RANBP10: variants seen among roughly 807,000 people sequenced by gnomAD.
The protein encoded by RANBP10 is ran-binding protein 10.
Under a neutral mutation model 72.8 loss-of-function variants are expected in RANBP10, and 24 were observed. That is an observed-to-expected ratio of 0.33 (90% CI 0.24 to 0.46). The LOEUF (loss-of-function observed/expected upper bound fraction) is 0.46, where lower values mean the gene tolerates loss of function less well. Ranked by LOEUF, RANBP10 falls within the 20% of genes least tolerant of loss-of-function variation. The pLI, the probability that RANBP10 is intolerant of heterozygous loss-of-function variation, is 1.00. For synonymous variants in RANBP10, 310 were observed against 322.3 expected, an observed-to-expected ratio of 0.96 and a Z score of 0.41; for missense variants, 679 against 817.5, an observed-to-expected ratio of 0.83 and a Z score of 2.07.
chr16:67,787,784 T>C (rs1313092527), intron 2 of RANBP10, among the ~76,000 whole-genome samples: 1 of 152,178 alleles, frequency 6.6e-6, no homozygotes, highest in East Asian at 1.9e-4. Flanking sequence ...AGAGGATCAC[T>C]TGAGGCCCGG....
intron 2 of RANBP10, among the ~76,000 whole-genome samples, chr16:67,804,036 T>C (rs1439942325): frequency 1.3e-5 from 2 of 151,564 alleles, no homozygotes; most frequent in Non-Finnish European, 2.9e-5. Context: ...ACTGAGGAAG[T>C]AGGCAAGGCT....
chr16:67,773,114 G>A (rs2054637350), intron 2 of RANBP10, among the ~76,000 whole-genome samples: 1 of 152,202 alleles, frequency 6.6e-6, no homozygotes, highest in South Asian at 2.1e-4. Flanking sequence ...CAATGCTGGA[G>A]GTGGGGCCTG....
intron 3 of RANBP10, among the ~76,000 whole-genome samples, chr16:67,753,395 G>A (rs1215901974): frequency 6.6e-6 from 1 of 152,100 alleles, no homozygotes; most frequent in Non-Finnish European, 1.5e-5. Flanking sequence ...TAGTACTGCT[G>A]AGGAGGGAGG....
rs747315565 is a variant in RANBP10 at position 67,784,044 on chromosome 16, C to CAA, written c.348-11960_348-11959dup. On this transcript the variant is annotated intron_variant, in intron 2 of 13. Coordinates refer to ENST00000317506, the MANE Select transcript of RANBP10 (RefSeq NM_020850.3). ...AGTGACAGAGAGAGAGACTCCGTCT[C>CAA]AAAAAAAAAAAAAAAAAAAAGACAT... Among the ~76,000 whole-genome samples, 347 of 50,018 alleles carry CAA rather than the reference C, an allele frequency of 6.9e-3. 12 individuals carry two copies. The highest frequency in any genetic ancestry group is 0.048 in the Admixed American group (283 of 5,944). The allele number at this position is 50,018 out of a possible 152,430, so 32.8% of individuals were successfully genotyped here.
chr16:67,783,351 C>CT (rs2054848864), intron 2 of RANBP10, among the ~76,000 whole-genome samples: 1 of 152,158 alleles, frequency 6.6e-6, no homozygotes, highest in African/African-American at 2.4e-5. Context: ...GAGACGACCC[C>CT]TTTACTGTAC....
Position 67,744,397 on chromosome 16 carries a change from C to A in RANBP10, c.459G>T (p.Ser153=). 6.2e-7 allele frequency: 1 copy of A among 1,614,208 alleles called. No homozygotes were observed. Among genetic ancestry groups the A allele is most frequent in the Non-Finnish European group, 8.5e-7 (1 of 1,180,034 alleles). The change falls in exon 4 of 14, where the codon TCG becomes TCT. Residue 153 remains serine, a synonymous_variant. Transcript: ENST00000317506. The part of the protein sequence containing the change: ...HGDDGHSFCS[S]GTGQPYGPTF... ...TGGGACCATAGGGCTGGCCAGTCCC[C>A]GAGGAGCAGAACGAATGCCCATCAT...
At chr16:67,804,684 T>C (rs1260510698) in intron 2 of RANBP10, among the ~76,000 whole-genome samples, 1 of 152,092 alleles carries the variant, frequency 6.6e-6, no homozygotes, top group Non-Finnish European at 1.5e-5. Context: ...ATTACAGGTA[T>C]GCCAGTTAAT....
At chr16:67,745,605 G>A (rs1369925667) in intron 3 of RANBP10, among the ~76,000 whole-genome samples, 1 of 151,946 alleles carries the variant, frequency 6.6e-6, no homozygotes. Context: ...AAAATGTTAA[G>A]ATTACAGGCG....
intron 2 of RANBP10, among the ~76,000 whole-genome samples, chr16:67,792,687 A>G (rs1444201270): frequency 1.3e-5 from 2 of 151,556 alleles, no homozygotes; most frequent in Non-Finnish European, 2.9e-5. Flanking sequence ...GGAGGCTGAG[A>G]CAGGAGAATC....
At chr16:67,743,042 T>C (rs1453478909) in intron 4 of RANBP10, among the ~76,000 whole-genome samples, 1 of 152,216 alleles carries the variant, frequency 6.6e-6, no homozygotes, top group Non-Finnish European at 1.5e-5. Context: ...AAGGCTTTCC[T>C]GCCAACTCTT....
intron 2 of RANBP10, among the ~76,000 whole-genome samples, chr16:67,793,649 C>A (rs1481197144): frequency 6.6e-6 from 1 of 151,978 alleles, no homozygotes; most frequent in African/African-American, 2.4e-5. Context: ...TATTTTCAAT[C>A]GGAGACATTA....
intron 2 of RANBP10, among the ~76,000 whole-genome samples, chr16:67,793,135 A>G (rs949220187): frequency 6.6e-6 from 1 of 152,046 alleles, no homozygotes; most frequent in African/African-American, 2.4e-5. Context: ...AGTTCCCATT[A>G]GACCCCACAG....
At position 67,727,383 on chromosome 16, in the gene RANBP10, T is replaced by C; in HGVS notation, c.1676A>G (p.Gln559Arg). ...AGGTTCCCTCTGGATGGGGTCAAGC[T>C]GCTGGCCAACTGGGCAGCTCCAGGG... ...SDPWSCPVGQQLDPIQREPVC... is the reference protein window; with the variant it reads ...SDPWSCPVGQRLDPIQREPVC... The change falls in exon 13 of 14, where the codon CAG (glutamine) becomes CGG (arginine). Residue 559 changes from glutamine to arginine, a missense_variant. Transcript: ENST00000317506. The C allele has an allele frequency of 6.2e-7, 1 of 1,613,986 alleles. No homozygotes were observed. Among genetic ancestry groups the C allele is most frequent in the Non-Finnish European group, 8.5e-7 (1 of 1,179,954 alleles).
chr16:67,792,983 G>C (rs1464826914), intron 2 of RANBP10, among the ~76,000 whole-genome samples: 6 of 152,070 alleles, frequency 3.9e-5, no homozygotes, highest in African/African-American at 1.4e-4. Flanking sequence ...ACACATCCTT[G>C]GTTCTGAGCT....
At chr16:67,749,589 C>G (rs1336886181) in intron 3 of RANBP10, among the ~76,000 whole-genome samples, 1 of 152,220 alleles carries the variant, frequency 6.6e-6, no homozygotes, top group Non-Finnish European at 1.5e-5. Context: ...AACTCAGCTC[C>G]TAAGCTCACC....
At chr16:67,750,824 C>T (rs1273305972) in intron 3 of RANBP10, among the ~76,000 whole-genome samples, 5 of 139,504 alleles carry the variant, frequency 3.6e-5, no homozygotes, top group Non-Finnish European at 6.0e-5. Context: ...TGGAGTGCAG[C>T]GGCGCAATCT....
chr16:67,752,433 C>A (rs1423912192), intron 3 of RANBP10, among the ~76,000 whole-genome samples: 1 of 152,104 alleles, frequency 6.6e-6, no homozygotes, highest in African/African-American at 2.4e-5. Flanking sequence ...AGAACGCAGC[C>A]CTGCCAATAT....
chr16:67,734,424 G>T (rs1052212442), intron 6 of RANBP10, among the ~76,000 whole-genome samples: 2 of 152,220 alleles, frequency 1.3e-5, no homozygotes, highest in East Asian at 3.9e-4. Context: ...CTCCACCACC[G>T]CTATAGACGA....
intron 2 of RANBP10, 63 bp downstream of exon 2, chr16:67,805,365 T>C: frequency 6.8e-7 from 1 of 1,471,144 alleles, no homozygotes; most frequent in Non-Finnish European, 9.4e-7. Flanking sequence ...CCAAAGGACC[T>C]GAACTCTGAC....
Sources: gnomAD v4.1 joint callset for allele counts (sites outside exome capture counted in the v4.1 genomes callset) on GRCh38, gnomAD v4.1.1 for gene constraint, MANE v1.5 for transcripts, NCBI Gene and HGNC (gene_info 2026-07-23, HGNC 2026-07-21) for gene names.